Variants in SDHC observed in about 807,000 individuals in gnomAD.
SDHC encodes succinate dehydrogenase cytochrome b560 subunit, mitochondrial.
In SDHC, 11 loss-of-function variants were observed where a neutral mutation model predicts 22.6. The observed-to-expected ratio is 0.49, with a 90% CI of 0.31 to 0.81. SDHC has a LOEUF of 0.81. Among genes scored for constraint, SDHC ranks in the 30% least tolerant of loss-of-function variants. The pLI is 0.05. For missense variants in SDHC, 160 were observed against 212.0 expected (o/e 0.75, Z 1.52); for synonymous variants, 80 against 77.8 (o/e 1.03, Z -0.15).
At chr1:161,352,687 G>A (rs1185708176) in intron 4 of SDHC, among the ~76,000 whole-genome samples, 1 of 152,184 alleles carries the variant, frequency 6.6e-6, no homozygotes, top group Non-Finnish European at 1.5e-5. Context: ...AGAAACAGGA[G>A]TATCTTCATT....
intron 3 of SDHC, among the ~76,000 whole-genome samples, chr1:161,332,023 G>A (rs966674716): frequency 1.3e-5 from 2 of 152,220 alleles, no homozygotes; most frequent in South Asian, 4.1e-4. Flanking sequence ...CACCCAGGCT[G>A]GAGTGTAGTA....
chr1:161,355,151 G>A (rs538936386), intron 4 of SDHC, among the ~76,000 whole-genome samples: 43 of 152,112 alleles, frequency 2.8e-4, no homozygotes, highest in African/African-American at 8.4e-4. Context: ...TTTCACATAG[G>A]GAAATAATCT....
At chr1:161,361,557 A>C (rs1270028879) in intron 5 of SDHC, among the ~76,000 whole-genome samples, 1 of 152,020 alleles carries the variant, frequency 6.6e-6, no homozygotes, top group Non-Finnish European at 1.5e-5. Flanking sequence ...AAACTGTAAG[A>C]GGCTGGGCGC....
In SDHC at chr1:161,321,542, C is replaced by T. The variant is rs894770829; in HGVS notation, c.21-2072C>T. On this transcript the variant is annotated intron_variant, in intron 1 of 5. Coordinates refer to ENST00000367975, the MANE Select transcript of SDHC (RefSeq NM_003001.5). ...CCTGGTGTGAGGAATGCGTGCCCTGCAACTTCAGAGTCACAATTCAATTGA... is the reference window on the plus strand; with the variant it reads ...CCTGGTGTGAGGAATGCGTGCCCTGTAACTTCAGAGTCACAATTCAATTGA... 2.6e-5 allele frequency among the ~76,000 whole-genome samples: 4 copies of T among 152,282 alleles called. No homozygotes were observed. The South Asian group carries it at 6.2e-4, about 24-fold the overall frequency.
intron 4 of SDHC, among the ~76,000 whole-genome samples, chr1:161,348,618 T>A (rs1465164439): frequency 2.8e-5 from 4 of 142,718 alleles, no homozygotes; most frequent in Non-Finnish European, 6.0e-5. Context: ...ATCAGGAGTT[T>A]GAGACCAGCC....
At chr1:161,333,745 G>A (rs371966262) in intron 3 of SDHC, among the ~76,000 whole-genome samples, 96 of 152,262 alleles carry the variant, frequency 6.3e-4, no homozygotes, top group African/African-American at 2.2e-3. Flanking sequence ...TTTCCAAAGT[G>A]ACTGTACCAT....
At chr1:161,348,783 A>G (rs1432058954) in intron 4 of SDHC, among the ~76,000 whole-genome samples, 1 of 151,818 alleles carries the variant, frequency 6.6e-6, no homozygotes, top group Non-Finnish European at 1.5e-5. Context: ...GGTTGCAGTG[A>G]GCTAGGATCG....
intron 5 of SDHC, 75 bp downstream of exon 5, chr1:161,356,915 C>A: frequency 6.9e-7 from 1 of 1,446,164 alleles, no homozygotes; most frequent in Non-Finnish European, 9.7e-7. Flanking sequence ...TCCTTCATTA[C>A]TGGGTTTAGT....
intron 2 of SDHC, among the ~76,000 whole-genome samples, chr1:161,327,225 G>C (rs1315611701): frequency 6.6e-6 from 1 of 152,148 alleles, no homozygotes; most frequent in Non-Finnish European, 1.5e-5. Flanking sequence ...CACCATGTCT[G>C]GCCTAAGTTT....
chr1:161,323,143 C>A (rs1430685203), intron 1 of SDHC, among the ~76,000 whole-genome samples: 1 of 152,070 alleles, frequency 6.6e-6, no homozygotes, highest in Admixed American at 6.6e-5. Context: ...GGATTACAGG[C>A]ATGCGCCACC....
intron 4 of SDHC, among the ~76,000 whole-genome samples, chr1:161,351,273 T>C (rs1016744833): frequency 1.3e-5 from 2 of 152,192 alleles, no homozygotes; most frequent in African/African-American, 2.4e-5. Context: ...TTCTATACTT[T>C]AGTCTCTTGT....
intron 2 of SDHC, among the ~76,000 whole-genome samples, chr1:161,327,090 A>G (rs1257248309): frequency 6.6e-6 from 1 of 152,008 alleles, no homozygotes; most frequent in Non-Finnish European, 1.5e-5. Context: ...ATGCTTGGCT[A>G]AATTTTCTTT....
chr1:161,321,238 A>G (rs1200132505), intron 1 of SDHC, among the ~76,000 whole-genome samples: 4 of 152,194 alleles, frequency 2.6e-5, no homozygotes, highest in Non-Finnish European at 5.9e-5. Flanking sequence ...GAGACATGTT[A>G]ATGCATTTAG....
rs1310900278 is a variant in SDHC, at chr1:161,362,231, A to T, written c.406-98A>T. On this transcript the variant is annotated intron_variant, in intron 5 of 5. Coordinates refer to ENST00000367975, the MANE Select transcript of SDHC (RefSeq NM_003001.5). ...TTTTCTCTAGAATCATGCTGAGAGG[A>T]GATATCTATTCCTTTAGGTAGAATT... is the stretch of plus-strand genomic sequence containing the variant. The T allele has an allele frequency of 2.9e-6, 4 of 1,377,852 alleles. No homozygotes were observed. The East Asian group carries it at 9.8e-5, about 34-fold the overall frequency. 85.4% of individuals were successfully genotyped at this position (1,377,852 alleles called of 1,614,324 possible).
chr1:161,344,562 C>T (rs961151318), intron 4 of SDHC, among the ~76,000 whole-genome samples: 1 of 152,048 alleles, frequency 6.6e-6, no homozygotes, highest in African/African-American at 2.4e-5. Context: ...TCTCCTAGTT[C>T]CATGATAGAA....
chr1:161,340,744 T>G, intron 4 of SDHC, 89 bp downstream of exon 4: 1 of 950,342 alleles, frequency 1.1e-6, no homozygotes, highest in Non-Finnish European at 1.7e-6. Context: ...CCTTTGAAAC[T>G]CAGCACTTGA....
rs1019275011 is a variant in SDHC, at chr1:161,322,248, A to C, written c.21-1366A>C. Among the ~76,000 whole-genome samples, 3 of 151,712 alleles carry C rather than the reference A, an allele frequency of 2.0e-5. No homozygotes were observed. The East Asian group carries it at 5.9e-4, about 30-fold the overall frequency. Reference sequence around the variant, plus strand: ...TAGGGGTGCTCAACCTGTACCGTGTAAACTTTGGATCAGTTAAATTCTCCT... The same window carrying C: ...TAGGGGTGCTCAACCTGTACCGTGTCAACTTTGGATCAGTTAAATTCTCCT... On this transcript the variant is annotated intron_variant, in intron 1 of 5. Transcript: ENST00000367975.
Position 161,356,698 on chromosome 1 carries a change from C to T in SDHC, c.263C>T (p.Ser88Leu), listed in dbSNP as rs778212096. 54 of 1,613,810 alleles carry T rather than the reference C, an allele frequency of 3.3e-5. No individual in the cohort carries two copies. The highest frequency in any genetic ancestry group is 4.4e-5 in the Non-Finnish European group (52 of 1,179,884). Residue 88 changes from serine to leucine, a missense_variant, in exon 5 of 6, where the codon TCG (serine) becomes TTG (leucine). Coordinates refer to ENST00000367975, the MANE Select transcript of SDHC (RefSeq NM_003001.5). ...TCAGGGGTCTCTCTTTTTGGCATGT[C>T]GGCCCTGTTACTCCCTGGGAACTTT... ...LSAGVSLFGM[S>L]ALLLPGNFES...
chr1:161,362,583 T>C lies in SDHC; in HGVS notation c.*150T>C, dbSNP rs1324693324. The C allele has an allele frequency of 6.2e-7, 1 of 1,608,862 alleles. No homozygotes were observed. Among genetic ancestry groups the C allele is most frequent in the Non-Finnish European group, 8.5e-7 (1 of 1,177,988 alleles). Reference sequence around the variant, plus strand: ...GATCTCCTTGGAGCAGTAGAGTACCTGGTAGACCATAATAGTGGAAAAGGG... The same window carrying C: ...GATCTCCTTGGAGCAGTAGAGTACCCGGTAGACCATAATAGTGGAAAAGGG... On this transcript the variant is annotated 3_prime_UTR_variant, in exon 6 of 6. Transcript: ENST00000367975.
Sources: gnomAD v4.1 joint callset for allele counts (sites outside exome capture counted in the v4.1 genomes callset) on GRCh38, gnomAD v4.1.1 for gene constraint, MANE v1.5 for transcripts, NCBI Gene and HGNC (gene_info 2026-07-23, HGNC 2026-07-21) for gene names.